The following EDIL3 variants were observed in gnomAD, a reference collection of about 807,000 sequenced individuals.
EDIL3 encodes EGF like and discoidin domains 3.
Under a neutral mutation model 67.4 loss-of-function variants are expected in EDIL3, and 37 were observed. The observed-to-expected ratio is 0.55, with a 90% CI of 0.42 to 0.72. EDIL3 has a LOEUF of 0.72. Ranked by LOEUF, EDIL3 falls within the 30% of genes least tolerant of loss-of-function variation. The pLI, the probability that EDIL3 is intolerant of heterozygous loss-of-function variation, is 0.00. For synonymous variants in EDIL3, 195 were observed against 196.3 expected (o/e 0.99, Z 0.05); for missense variants, 527 against 586.3 (o/e 0.90, Z 1.04).
intron 10 of EDIL3, among the ~76,000 whole-genome samples, chr5:83,949,224 C>A (rs1037231572): frequency 6.6e-6 from 1 of 151,674 alleles, no homozygotes; most frequent in Non-Finnish European, 1.5e-5. Flanking sequence ...CAGAGAGCTA[C>A]CACAGTGTCT....
At chr5:84,240,438 C>A (rs1006131152) in intron 2 of EDIL3, among the ~76,000 whole-genome samples, 1 of 152,132 alleles carries the variant, frequency 6.6e-6, no homozygotes, top group African/African-American at 2.4e-5. Flanking sequence ...TCCAGGGTCT[C>A]CAACTTCCAT....
At chr5:84,205,073 C>T (rs1027821473) in intron 3 of EDIL3, among the ~76,000 whole-genome samples, 1 of 128,430 alleles carries the variant, frequency 7.8e-6, no homozygotes, top group Non-Finnish European at 1.6e-5. Context: ...CCACCATGCC[C>T]TGGAAGATTT....
chr5:84,081,183 C>T (rs1746961604), intron 6 of EDIL3, among the ~76,000 whole-genome samples: 1 of 152,102 alleles, frequency 6.6e-6, no homozygotes, highest in Non-Finnish European at 1.5e-5. Flanking sequence ...TCTGAATTTC[C>T]ACCTGTTTCT....
intron 6 of EDIL3, among the ~76,000 whole-genome samples, chr5:84,089,184 T>C (rs978107685): frequency 6.6e-6 from 1 of 152,206 alleles, no homozygotes; most frequent in Admixed American, 6.5e-5. Flanking sequence ...ATGGGACTCA[T>C]AAATGGCCAA....
chr5:84,231,086 T>TAATACCTC (rs1307162225), intron 2 of EDIL3, among the ~76,000 whole-genome samples: 10 of 152,186 alleles, frequency 6.6e-5, no homozygotes, highest in African/African-American at 2.4e-4. Context: ...TATTAACTTG[T>TAATACCTC]AGCCAGGATT....
At chr5:83,993,068 C>T (rs558573115) in intron 9 of EDIL3, among the ~76,000 whole-genome samples, 13 of 151,822 alleles carry the variant, frequency 8.6e-5, no homozygotes, top group East Asian at 3.9e-4. Flanking sequence ...ATAGTCAATA[C>T]GAAACATTAG....
chr5:84,142,517 C>T (rs977431743), intron 4 of EDIL3, among the ~76,000 whole-genome samples: 25 of 151,982 alleles, frequency 1.6e-4, no homozygotes, highest in African/African-American at 5.8e-4. Context: ...TCCTTGAGTT[C>T]TCTCAGAACT....
chr5:84,113,842 C>T (rs1378518697), intron 5 of EDIL3, among the ~76,000 whole-genome samples: 1 of 152,176 alleles, frequency 6.6e-6, no homozygotes, highest in Admixed American at 6.5e-5. Flanking sequence ...TTAAACATCT[C>T]CAGTCCTCCC....
At chr5:84,082,317 T>C (rs1233285932) in intron 6 of EDIL3, among the ~76,000 whole-genome samples, 1 of 152,220 alleles carries the variant, frequency 6.6e-6, no homozygotes, top group African/African-American at 2.4e-5. Context: ...AATAAAAAGT[T>C]AAAAGGTACT....
chr5:84,094,771 G>A (rs1747234565), intron 6 of EDIL3, among the ~76,000 whole-genome samples: 1 of 152,138 alleles, frequency 6.6e-6, no homozygotes, highest in African/African-American at 2.4e-5. Flanking sequence ...CTTTTGGGCC[G>A]ATATATTCTA....
At chr5:84,238,163 ATG>A (rs369475107) in intron 2 of EDIL3, among the ~76,000 whole-genome samples, 4 of 151,680 alleles carry the variant, frequency 2.6e-5, no homozygotes, top group South Asian at 2.1e-4. Flanking sequence ...GTGTGTGTGT[ATG>A]TGTGTGTGTG....
intron 1 of EDIL3, among the ~76,000 whole-genome samples, chr5:84,293,020 C>G (rs912450716): frequency 6.6e-6 from 1 of 152,160 alleles, no homozygotes. Flanking sequence ...ATACCTCCAT[C>G]CCCTTCCTTG....
intron 5 of EDIL3, among the ~76,000 whole-genome samples, chr5:84,122,301 A>G (rs568905815): frequency 3.3e-5 from 5 of 152,112 alleles, no homozygotes; most frequent in South Asian, 2.1e-4. Context: ...CTGCACATAC[A>G]TACTGCAGAG....
At chr5:84,025,227 G>C (rs929487250) in intron 9 of EDIL3, among the ~76,000 whole-genome samples, 1 of 152,114 alleles carries the variant, frequency 6.6e-6, no homozygotes, top group Non-Finnish European at 1.5e-5. Context: ...CCCAACCCCT[G>C]GGCCATGAAC....
intron 9 of EDIL3, among the ~76,000 whole-genome samples, chr5:83,986,090 T>G (rs1324246766): frequency 6.6e-6 from 1 of 152,120 alleles, no homozygotes; most frequent in Non-Finnish European, 1.5e-5. Context: ...GATTTAGAAA[T>G]AAGCATGTAT....
intron 6 of EDIL3, among the ~76,000 whole-genome samples, chr5:84,080,413 C>T (rs1388624308): frequency 1.3e-5 from 2 of 151,900 alleles, no homozygotes; most frequent in Admixed American, 6.6e-5. Flanking sequence ...TCTTCACTGC[C>T]GCTGTGAAAC....
chr5:83,948,021 T>G (rs892220453), intron 10 of EDIL3, among the ~76,000 whole-genome samples: 2 of 151,884 alleles, frequency 1.3e-5, no homozygotes, highest in African/African-American at 4.8e-5. Context: ...GTAGACATAC[T>G]GTGAATAACT....
At chr5:84,100,887 G>A (rs1051032794) in intron 6 of EDIL3, among the ~76,000 whole-genome samples, 3 of 151,880 alleles carry the variant, frequency 2.0e-5, no homozygotes, top group Non-Finnish European at 2.9e-5. Context: ...CATTTAAATT[G>A]TTAAATATAT....
intron 1 of EDIL3, among the ~76,000 whole-genome samples, chr5:84,374,603 G>A (rs1248771836): frequency 1.3e-5 from 2 of 152,146 alleles, no homozygotes; most frequent in Non-Finnish European, 2.9e-5. Flanking sequence ...ATGTTAGATG[G>A]CATATGATAT....
Sources: gnomAD v4.1 joint callset for allele counts (sites outside exome capture counted in the v4.1 genomes callset) on GRCh38, gnomAD v4.1.1 for gene constraint, MANE v1.5 for transcripts, NCBI Gene and HGNC (gene_info 2026-07-23, HGNC 2026-07-21) for gene names.